Variants in EHBP1 observed in about 807,000 individuals in gnomAD.
EHBP1 encodes the protein EH domain-binding protein 1.
EHBP1 carries 55 observed loss-of-function variants against 144.0 expected under a neutral mutation model. The ratio of observed to expected loss-of-function variants is 0.38; its 90% confidence interval spans 0.31 to 0.48. The LOEUF (loss-of-function observed/expected upper bound fraction) is 0.48. Among genes scored for constraint, EHBP1 ranks in the 20% least tolerant of loss-of-function variants. The pLI, the probability that EHBP1 is intolerant of heterozygous loss-of-function variation, is 0.98. For missense variants in EHBP1, 1,200 were observed against 1,364.2 expected (o/e 0.88, Z 1.90); for synonymous variants, 469 against 472.7 (o/e 0.99, Z 0.10).
At position 62,859,150 on chromosome 2, in the gene EHBP1, C is replaced by G. The variant is rs111472724; in HGVS notation, c.635-19C>G. 4,233 of 1,602,040 alleles carry G rather than the reference C, an allele frequency of 2.6e-3. 60 individuals carry two copies. The African/African-American group carries it at 0.036, about 14-fold the overall frequency. ...ACACTTAACCATAATAGGGAACTAACCCATATGTTTATTTTCAGAGCTTAT... is the reference window on the plus strand; with the variant it reads ...ACACTTAACCATAATAGGGAACTAAGCCATATGTTTATTTTCAGAGCTTAT... On this transcript the variant is annotated intron_variant, in intron 7 of 22. Coordinates refer to ENST00000431489, the MANE Select transcript of EHBP1 (RefSeq NM_001142616.3).
intron 1 of EHBP1, among the ~76,000 whole-genome samples, chr2:62,692,753 TG>T (rs1027034445): frequency 5.3e-5 from 8 of 152,104 alleles, no homozygotes; most frequent in African/African-American, 1.9e-4. Context: ...TTTTAATTTT[TG>T]TGGGCACATA....
chr2:62,721,558 T>C (rs2036226057), intron 2 of EHBP1, among the ~76,000 whole-genome samples: 1 of 152,178 alleles, frequency 6.6e-6, no homozygotes, highest in South Asian at 2.1e-4. Context: ...TAATAAATAC[T>C]GGGGGGAAGA....
At position 62,864,774 on chromosome 2, in the gene EHBP1, T is replaced by C. The variant is rs781071108; in HGVS notation, c.801T>C (p.Ser267=). The C allele has an allele frequency of 2.5e-5, 41 of 1,613,312 alleles. No individual in the cohort carries two copies. Among genetic ancestry groups the C allele is most frequent in the Non-Finnish European group, 3.4e-5 (40 of 1,179,818 alleles). Residue 267 remains serine (S), a synonymous_variant, in exon 9 of 23, where the codon TCT becomes TCC. Coordinates refer to ENST00000431489, the MANE Select transcript of EHBP1 (RefSeq NM_001142616.3). ...ETASPRKTED[S]FYNNSYNPFK... ...CTTCACCTAGAAAAACAGAAGACTC[T>C]TTTTATAATAACAGCTATAATCCCT...
At chr2:62,982,370 G>A (rs1031064065) in intron 15 of EHBP1, among the ~76,000 whole-genome samples, 1 of 152,122 alleles carries the variant, frequency 6.6e-6, no homozygotes, top group African/African-American at 2.4e-5. Flanking sequence ...AATGAGCCTG[G>A]TTGTTATTTA....
chr2:62,688,582 T>C (rs1233839920), intron 1 of EHBP1, among the ~76,000 whole-genome samples: 1 of 152,224 alleles, frequency 6.6e-6, no homozygotes, highest in Non-Finnish European at 1.5e-5. Flanking sequence ...TTCTATTTAG[T>C]TGTAATGTTG....
intron 10 of EHBP1, among the ~76,000 whole-genome samples, chr2:62,938,837 A>G (rs1403266883): frequency 6.6e-6 from 1 of 152,194 alleles, no homozygotes; most frequent in Non-Finnish European, 1.5e-5. Context: ...AAGAAAAGGA[A>G]AAAACTTTTT....
At chr2:63,027,124 C>T (rs987042803) in intron 19 of EHBP1, among the ~76,000 whole-genome samples, 5 of 152,170 alleles carry the variant, frequency 3.3e-5, no homozygotes, top group Admixed American at 2.0e-4. Context: ...CATTTGAGGC[C>T]TGGTTCCACC....
At chr2:62,948,182 A>G in intron 12 of EHBP1, 78 bp from the exon 13 acceptor site, 1 of 1,332,144 alleles carries the variant, frequency 7.5e-7, no homozygotes, top group East Asian at 2.4e-5. Context: ...AACAACAAAA[A>G]TTAAAAATGT....
At chr2:62,888,664 G>GAA (rs2052150244) in intron 10 of EHBP1, among the ~76,000 whole-genome samples, 1 of 152,154 alleles carries the variant, frequency 6.6e-6, no homozygotes, top group African/African-American at 2.4e-5. Flanking sequence ...TATAAAGACT[G>GAA]AGCAGTTAGT....
chr2:62,835,904 G>A (rs971434491), intron 7 of EHBP1, among the ~76,000 whole-genome samples: 2 of 152,128 alleles, frequency 1.3e-5, no homozygotes, highest in Admixed American at 6.5e-5. Context: ...AGGTGGCAGC[G>A]AGGCTGGGGG....
At chr2:62,841,739 T>TTTTTC (rs1278077920) in intron 7 of EHBP1, among the ~76,000 whole-genome samples, 1 of 152,174 alleles carries the variant, frequency 6.6e-6, no homozygotes, top group African/African-American at 2.4e-5. Context: ...CTTCTTTTCT[T>TTTTTC]TTTTCTTTTC....
intron 10 of EHBP1, among the ~76,000 whole-genome samples, chr2:62,931,241 A>C (rs772448008): frequency 1.3e-5 from 2 of 152,238 alleles, no homozygotes; most frequent in Non-Finnish European, 2.9e-5. Context: ...TCCAAAGAAC[A>C]CATACAGATA....
chr2:62,820,438 G>A (rs1368728410), intron 5 of EHBP1, among the ~76,000 whole-genome samples: 4 of 151,304 alleles, frequency 2.6e-5, no homozygotes, highest in Non-Finnish European at 4.4e-5. Context: ...TCACAATATT[G>A]TATAACCATC....
chr2:62,848,001 G>A (rs1238351204), intron 7 of EHBP1, among the ~76,000 whole-genome samples: 1 of 151,380 alleles, frequency 6.6e-6, no homozygotes, highest in Non-Finnish European at 1.5e-5. Flanking sequence ...ACTAAATGTT[G>A]GCAAGGCTGT....
chr2:62,861,330 A>G (rs967803167), intron 8 of EHBP1, among the ~76,000 whole-genome samples: 4 of 151,406 alleles, frequency 2.6e-5, no homozygotes, highest in African/African-American at 9.7e-5. Context: ...AGGTTTCGCC[A>G]TGTCGGCCAG....
Position 62,855,290 on chromosome 2 carries a change from A to G in EHBP1, c.635-3879A>G, listed in dbSNP as rs189108717. Reference sequence around the variant, plus strand: ...TGCACATGCTCAGGGCAGTGCTGACACACCAGCCCCCTGCCACCTCGGCAG... The same window carrying G: ...TGCACATGCTCAGGGCAGTGCTGACGCACCAGCCCCCTGCCACCTCGGCAG... On this transcript the variant is annotated intron_variant, in intron 7 of 22. Coordinates refer to ENST00000431489, the MANE Select transcript of EHBP1 (RefSeq NM_001142616.3). Among the ~76,000 whole-genome samples, 151 of 152,312 alleles carry G rather than the reference A, an allele frequency of 9.9e-4. 1 individual carries two copies. The highest frequency in any genetic ancestry group is 3.4e-3 in the African/African-American group (140 of 41,578).
chr2:62,863,127 A>C (rs1282901115), intron 8 of EHBP1, among the ~76,000 whole-genome samples: 1 of 151,758 alleles, frequency 6.6e-6, no homozygotes, highest in South Asian at 2.1e-4. Flanking sequence ...TACTAAAAAT[A>C]CAAAAATTAG....
chr2:62,912,779 T>C (rs180802463), intron 10 of EHBP1, among the ~76,000 whole-genome samples: 486 of 152,248 alleles, frequency 3.2e-3, no homozygotes, highest in Non-Finnish European at 5.0e-3. Context: ...TCAGGAAAAA[T>C]ATAGACTTCG....
chr2:62,994,022 A>G (rs2059530308), intron 18 of EHBP1, 45 bp downstream of exon 18: 1 of 1,346,350 alleles, frequency 7.4e-7, no homozygotes, highest in East Asian at 2.5e-5. Flanking sequence ...GATAATTCCA[A>G]ACTGTATGTG....
Sources: allele counts gnomAD v4.1 joint callset (sites outside exome capture counted in the v4.1 genomes callset), GRCh38; gene constraint gnomAD v4.1.1; transcripts MANE v1.5; gene names NCBI Gene and HGNC (gene_info 2026-07-23, HGNC 2026-07-21).